The following PTCH2 variants were observed in gnomAD, a reference collection of about 807,000 sequenced individuals.
PTCH2 encodes protein patched homolog 2.
In PTCH2, 96 loss-of-function variants were observed where a neutral mutation model predicts 117.9. That is an observed-to-expected ratio of 0.81 (90% CI 0.69 to 0.96). PTCH2 has a LOEUF of 0.96. PTCH2 is among the 50% of genes least tolerant of loss of function. The pLI, the probability that PTCH2 is intolerant of heterozygous loss-of-function variation, is 0.00. For missense variants in PTCH2, 1,379 were observed against 1,562.5 expected, an observed-to-expected ratio of 0.88 and a Z score of 1.98; for synonymous variants, 615 against 660.9, an observed-to-expected ratio of 0.93 and a Z score of 1.06.
intron 7 of PTCH2, 73 bp from the exon 8 acceptor site, chr1:44,829,834 G>C: frequency 1.9e-6 from 3 of 1,613,940 alleles, no homozygotes; most frequent in Non-Finnish European, 2.5e-6. Flanking sequence ...AGGGCCTTTT[G>C]CCAGAGCTGC....
At position 44,826,890 on chromosome 1, in the gene PTCH2, C is replaced by G. The variant is rs1653174523; in HGVS notation, c.2695+12G>C. The stretch of plus-strand genomic sequence containing the variant: ...AGGCTGAGGCTCTTGCCGAGCTCCC[C>G]CCAAGACTCACTGCGAAGGTTCTCC... On this transcript the variant is annotated intron_variant, in intron 17 of 21. Coordinates refer to ENST00000372192, the MANE Select transcript of PTCH2 (RefSeq NM_003738.5). The surrounding 1 kb of genome is among the most constrained non-coding windows in gnomAD (Gnocchi z 5.1). The G allele has an allele frequency of 8.7e-6, 14 of 1,613,822 alleles. No homozygotes were observed. Among genetic ancestry groups the G allele is most frequent in the East Asian group, 2.2e-5 (1 of 44,878 alleles).
chr1:44,828,260 G>A (rs750840789), intron 13 of PTCH2, 36 bp downstream of exon 13: 2 of 1,613,000 alleles, frequency 1.2e-6, no homozygotes, highest in Non-Finnish European at 1.7e-6. Flanking sequence ...GGCTGGCGTG[G>A]GTCACGGGAG....
chr1:44,823,172 G>C lies in PTCH2; in HGVS notation c.3258-4C>G. ...TGTCAGCGCCGCAAAGAAGTACCTA[G>C]GGGTAGGGTGTGGGGGGAGTCAGCC... is the stretch of plus-strand genomic sequence containing the variant. On this transcript the variant is annotated splice_polypyrimidine_tract_variant and splice_region_variant and intron_variant, in intron 20 of 21. Transcript: ENST00000372192. This position sits in a 1 kb window ranked among gnomAD's most constrained non-coding sequence, Gnocchi z 5.1. 6 of 1,614,120 alleles carry C rather than the reference G, an allele frequency of 3.7e-6. No individual in the cohort carries two copies. The highest frequency in any genetic ancestry group is 5.1e-6 in the Non-Finnish European group (6 of 1,179,998).
intron 2 of PTCH2, among the ~76,000 whole-genome samples, chr1:44,832,881 G>A (rs995557083): frequency 2.6e-5 from 4 of 152,192 alleles, no homozygotes; most frequent in Non-Finnish European, 5.9e-5. Context: ...GTGTCCTAAG[G>A]AGAGGGCAGG....
intron 16 of PTCH2, 42 bp downstream of exon 16, chr1:44,827,125 T>A: frequency 6.2e-7 from 1 of 1,613,942 alleles, no homozygotes; most frequent in Non-Finnish European, 8.5e-7. Context: ...CCAGGAGGCC[T>A]GCAGCCCCTG....
intron 2 of PTCH2, among the ~76,000 whole-genome samples, chr1:44,840,755 G>T (rs949655960): frequency 6.6e-6 from 1 of 152,044 alleles, no homozygotes; most frequent in African/African-American, 2.4e-5. Context: ...TTATCAGGGT[G>T]TGGTGGCTTA....
In PTCH2 at chr1:44,822,469, A is replaced by T. The variant is rs781776475; in HGVS notation, c.3558T>A (p.Ala1186=). 1 of 1,613,994 alleles carries T rather than the reference A, an allele frequency of 6.2e-7. No individual in the cohort carries two copies. The highest frequency in any genetic ancestry group is 1.1e-5 in the South Asian group (1 of 91,084). The change falls in exon 22 of 22, where the codon GCT becomes GCA. Residue 1186 remains alanine (A), a synonymous_variant. Coordinates refer to ENST00000372192, the MANE Select transcript of PTCH2 (RefSeq NM_003738.5). The part of the protein sequence containing the change: ...PAPDEPPWSP[A]ATSSGNLSSR... Reference sequence around the variant, plus strand: ...AACTGAGGTTGCCAGAGCTAGTGGCAGCAGGGGACCAAGGGGGCTCATCAG... The same window carrying T: ...AACTGAGGTTGCCAGAGCTAGTGGCTGCAGGGGACCAAGGGGGCTCATCAG...
At chr1:44,841,740 T>C in intron 2 of PTCH2, 107 bp downstream of exon 2, 1 of 1,288,942 alleles carries the variant, frequency 7.8e-7, no homozygotes, top group Admixed American at 1.8e-5. Context: ...CAGGTGACCC[T>C]CCAGCCCCAG....
rs1261247982 is a variant in PTCH2, at chr1:44,822,454, G to A, written c.3573C>T (p.Gly1191=). 6.2e-7 allele frequency: 1 copy of A among 1,613,954 alleles called. No individual in the cohort carries two copies. Among genetic ancestry groups the A allele is most frequent in the African/African-American group, 1.3e-5 (1 of 75,046 alleles). The change falls in exon 22 of 22, where the codon GGC becomes GGT. Residue 1191 remains glycine (G), a synonymous_variant. Transcript: ENST00000372192. ...GACCTGGTCCCCTGGAACTGAGGTT[G>A]CCAGAGCTAGTGGCAGCAGGGGACC... ...PPWSPAATSS[G]NLSSRGPGPA...
At position 44,822,041 on chromosome 1, in the gene PTCH2, T is replaced by G; in HGVS notation, c.*374A>C. 1 of 1,340,034 alleles carries G rather than the reference T, an allele frequency of 7.5e-7. No homozygotes were observed. The highest frequency in any genetic ancestry group is 2.6e-5 in the Admixed American group (1 of 38,436). 83.0% of individuals were successfully genotyped at this position (1,340,034 alleles called of 1,614,324 possible). ...TAGACATTTTCATATAAATAATGGA[T>G]GTGGTAGGAGGTGGGCAGGGATATG... On this transcript the variant is annotated 3_prime_UTR_variant, in exon 22 of 22. Coordinates refer to ENST00000372192, the MANE Select transcript of PTCH2 (RefSeq NM_003738.5).
chr1:44,826,924 G>A lies in PTCH2; in HGVS notation c.2673C>T (p.Asp891=), dbSNP rs370224493. ...CACTGCGAAGGTTCTCCCCCGTGGT[G>A]TCGTATTTGTCGTGCAGCCATTCAG... ...PPPEWLHDKY[D]TTGENLRIPP... The change falls in exon 17 of 22, where the codon GAC becomes GAT. Residue 891 remains aspartate (D), a synonymous_variant. Coordinates refer to ENST00000372192, the MANE Select transcript of PTCH2 (RefSeq NM_003738.5). The surrounding 1 kb of genome is among the most constrained non-coding windows in gnomAD (Gnocchi z 5.1). 2 of 1,613,946 alleles carry A rather than the reference G, an allele frequency of 1.2e-6. No homozygotes were observed. Among genetic ancestry groups the A allele is most frequent in the South Asian group, 1.1e-5 (1 of 91,090 alleles).
Position 44,826,651 on chromosome 1 carries a change from C to A in PTCH2, c.2813G>T (p.Gly938Val), listed in dbSNP as rs1200472680. 1.9e-6 allele frequency: 3 copies of A among 1,611,884 alleles called. No homozygotes were observed. In the African/African-American group the frequency reaches 4.0e-5, roughly 22 times the overall value. The change falls in exon 18 of 22, where the codon GGC becomes GTC. Residue 938 changes from glycine (G) to valine (V), a missense_variant. Gly to Val is a moderately radical substitution (Grantham distance 109). Coordinates refer to ENST00000372192, the MANE Select transcript of PTCH2 (RefSeq NM_003738.5). This position sits in a 1 kb window ranked among gnomAD's most constrained non-coding sequence, Gnocchi z 5.1. ...GGGGTAGGCGTGCACCCCAGCCTGG[C>A]CGGCCTCTGCGCATGCTGCCCGGGC... ...EGARAACAEA[G>V]QAGVHAYPSG...
At chr1:44,837,699 C>T (rs1253735583) in intron 2 of PTCH2, among the ~76,000 whole-genome samples, 1 of 151,988 alleles carries the variant, frequency 6.6e-6, no homozygotes, top group Non-Finnish European at 1.5e-5. Context: ...CACGCCTGGC[C>T]TAAAAGCATT....
rs773025780 is a variant in PTCH2 at position 44,827,268 on chromosome 1, T to C, written c.2413A>G (p.Ile805Val). The part of the protein sequence containing the change: ...AFDQDWASGR[I>V]TRHSYRNGSE... ...CCATTGCGGTACGAGTGGCGGGTGA[T>C]GCGCCCAGAAGCCCAGTCCTGGTCA... The change falls in exon 16 of 22, where the codon ATC becomes GTC. Residue 805 changes from isoleucine to valine, a missense_variant. Coordinates refer to ENST00000372192, the MANE Select transcript of PTCH2 (RefSeq NM_003738.5). 1.9e-6 allele frequency: 3 copies of C among 1,613,954 alleles called. No homozygotes were observed. The highest frequency in any genetic ancestry group is 2.5e-6 in the Non-Finnish European group (3 of 1,180,014).
chr1:44,826,962 A>T lies in PTCH2; in HGVS notation c.2635T>A (p.Tyr879Asn), dbSNP rs1427276434. 6.2e-7 allele frequency: 1 copy of T among 1,614,004 alleles called. No individual in the cohort carries two copies. Among genetic ancestry groups the T allele is most frequent in the Middle Eastern group, 1.6e-4 (1 of 6,062 alleles). ...LGLAASQANF[Y>N]PPPPEWLHDK... ...TGCAGCCATTCAGGAGGTGGGGGGTAGAAGTTGGCCTGTGAGGCTGCCAGA... is the reference window on the plus strand; with the variant it reads ...TGCAGCCATTCAGGAGGTGGGGGGTTGAAGTTGGCCTGTGAGGCTGCCAGA... The change falls in exon 17 of 22, where the codon TAC (tyrosine) becomes AAC (asparagine). Residue 879 changes from tyrosine to asparagine, a missense_variant. Coordinates refer to ENST00000372192, the MANE Select transcript of PTCH2 (RefSeq NM_003738.5). The surrounding 1 kb of genome is among the most constrained non-coding windows in gnomAD (Gnocchi z 5.1).
Position 44,822,306 on chromosome 1 carries a change from C to G in PTCH2, c.*109G>C. On this transcript the variant is annotated 3_prime_UTR_variant, in exon 22 of 22. Transcript: ENST00000372192. Reference sequence around the variant, plus strand: ...GACAGCTGGGTCGGGAGAGGGGATGCAGCAGCAGCAGGGCCCTCCAGGGGT... The same window carrying G: ...GACAGCTGGGTCGGGAGAGGGGATGGAGCAGCAGCAGGGCCCTCCAGGGGT... 6.3e-7 allele frequency: 1 copy of G among 1,588,134 alleles called. No individual in the cohort carries two copies. The highest frequency in any genetic ancestry group is 1.3e-5 in the African/African-American group (1 of 74,786).
chr1:44,833,528 C>T (rs1653550740), intron 2 of PTCH2, among the ~76,000 whole-genome samples: 1 of 151,004 alleles, frequency 6.6e-6, no homozygotes, highest in Admixed American at 6.6e-5. Flanking sequence ...CTTCGACTTC[C>T]TGGGCTCAGG....
At chr1:44,837,102 G>C (rs1291836368) in intron 2 of PTCH2, among the ~76,000 whole-genome samples, 1 of 152,238 alleles carries the variant, frequency 6.6e-6, no homozygotes, top group Non-Finnish European at 1.5e-5. Context: ...CTGGGTCCTT[G>C]CTAATGTCCT....
Position 44,831,955 on chromosome 1 carries a change from C to T in PTCH2, c.525+20G>A, listed in dbSNP as rs2148879993. On this transcript the variant is annotated intron_variant, in intron 4 of 21. Coordinates refer to ENST00000372192, the MANE Select transcript of PTCH2 (RefSeq NM_003738.5). This position sits in a 1 kb window ranked among gnomAD's most constrained non-coding sequence, Gnocchi z 4.3. ...CGCTACAGAAAAAGTTCTGCCTCTA[C>T]TCCCTCTCAGGACACTTACCCGCTC... The T allele has an allele frequency of 1.2e-6, 2 of 1,601,980 alleles. No individual in the cohort carries two copies. Among genetic ancestry groups the T allele is most frequent in the South Asian group, 1.1e-5 (1 of 90,842 alleles).
Sources: gnomAD v4.1 joint callset for allele counts (sites outside exome capture counted in the v4.1 genomes callset) on GRCh38, gnomAD v4.1.1 for gene constraint, Gnocchi (gnomAD v3.1) non-coding constraint, MANE v1.5 for transcripts, NCBI Gene and HGNC (gene_info 2026-07-23, HGNC 2026-07-21) for gene names.